SNED1: variants seen among roughly 807,000 people sequenced by gnomAD.
SNED1 encodes the protein sushi, nidogen and EGF-like domain-containing protein 1.
SNED1 carries 81 observed loss-of-function variants against 166.7 expected under a neutral mutation model. That is an observed-to-expected ratio of 0.49 (90% CI 0.41 to 0.58). The LOEUF (loss-of-function observed/expected upper bound fraction) is 0.58. SNED1 is among the 20% of genes least tolerant of loss of function. SNED1 has a pLI of 0.00. For synonymous variants in SNED1, 762 were observed against 822.0 expected, an observed-to-expected ratio of 0.93 and a Z score of 1.25; for missense variants, 1,604 against 2,000.2, an observed-to-expected ratio of 0.80 and a Z score of 3.78.
chr2:241,090,328 CAG>C, intron 31 of SNED1: 2 of 1,550,234 alleles, frequency 1.3e-6, no homozygotes, highest in Non-Finnish European at 1.7e-6. Context: ...CATCGTGTCC[CAG>C]TAACACACAT....
intron 1 of SNED1, among the ~76,000 whole-genome samples, chr2:241,020,773 G>T (rs570188846): frequency 4.6e-5 from 7 of 152,276 alleles, no homozygotes; most frequent in Admixed American, 4.6e-4. Context: ...CTGCTGGACT[G>T]GGAAATGGCC....
chr2:241,048,882 C>T, intron 10 of SNED1, 116 bp downstream of exon 10: 1 of 1,187,182 alleles, frequency 8.4e-7, no homozygotes, highest in Non-Finnish European at 1.2e-6. Context: ...GGTTCTACCC[C>T]CACCCAGGAG....
chr2:241,037,021 A>G lies in SNED1; in HGVS notation c.931+106A>G, dbSNP rs1457977560. On this transcript the variant is annotated intron_variant, in intron 5 of 31. Transcript: ENST00000310397. ...TGGGCGCCCAGGGTCCCAGGTCAGG[A>G]GTCTCTGTCCCCAGGGTGTGGGTGA... The G allele has an allele frequency of 6.5e-6, 9 of 1,379,706 alleles. No individual in the cohort carries two copies. In the East Asian group the frequency reaches 1.3e-4, roughly 19 times the overall value. The allele number at this position is 1,379,706 out of a possible 1,614,324, so 85.5% of individuals were successfully genotyped here. A position where few individuals can be genotyped will look rare whatever the true frequency, so the allele number is the denominator to read the frequency against.
Position 241,073,070 on chromosome 2 carries a change from G to A in SNED1, c.3818-196G>A. The A allele has an allele frequency of 3.5e-6, 2 of 571,710 alleles. No individual in the cohort carries two copies. The highest frequency in any genetic ancestry group is 6.2e-6 in the Non-Finnish European group (2 of 320,394). The allele number at this position is 571,710 out of a possible 1,614,324, so 35.4% of individuals were successfully genotyped here. ...GGGGAAGGCCGAGCCCCTCCAGAGG[G>A]TCAGCAGGAGGGTGAGGCCAGCCCT... On this transcript the variant is annotated intron_variant, in intron 26 of 31. Coordinates refer to ENST00000310397, the MANE Select transcript of SNED1 (RefSeq NM_001080437.3). The surrounding 1 kb of genome is among the most constrained non-coding windows in gnomAD (Gnocchi z 6.6).
rs1383358552 is a variant in SNED1 at position 241,052,571 on chromosome 2, A to G, written c.2083+103A>G. 4 of 912,764 alleles carry G rather than the reference A, an allele frequency of 4.4e-6. No individual in the cohort carries two copies. The Admixed American group carries it at 7.8e-5, about 18-fold the overall frequency. 56.5% of individuals were successfully genotyped at this position (912,764 alleles called of 1,614,324 possible). ...GGTACATGGGATACCAGTGCCAGGC[A>G]GGTGAGAGGGCCAGGGGGCCAAGCA... On this transcript the variant is annotated intron_variant, in intron 15 of 31. Transcript: ENST00000310397.
intron 4 of SNED1, among the ~76,000 whole-genome samples, chr2:241,036,519 G>C (rs1050829893): frequency 2.6e-5 from 4 of 152,112 alleles, no homozygotes; most frequent in African/African-American, 7.2e-5. Flanking sequence ...GGGATGGAGG[G>C]GACGGGGTGC....
intron 27 of SNED1, among the ~76,000 whole-genome samples, chr2:241,080,697 C>T (rs1463517223): frequency 2.0e-5 from 3 of 152,222 alleles, no homozygotes; most frequent in Non-Finnish European, 4.4e-5. Flanking sequence ...GACGGAAGCC[C>T]ATGAAATATA....
chr2:241,049,884 C>G lies in SNED1; in HGVS notation c.1686C>G (p.Ser562=). Residue 562 remains serine (S), a synonymous_variant, in exon 12 of 32, where the codon TCC becomes TCG. Coordinates refer to ENST00000310397, the MANE Select transcript of SNED1 (RefSeq NM_001080437.3). ...GCTCCTGCGATGCCCATGACGACTC[C>G]TACACCTGCGAGTGCCCGCGCGGGT... ...NGGSCDAHDD[S]YTCECPRGFH... 1.2e-6 allele frequency: 2 copies of G among 1,613,868 alleles called. No homozygotes were observed. Among genetic ancestry groups the G allele is most frequent in the Non-Finnish European group, 1.7e-6 (2 of 1,179,784 alleles).
rs16843244 is a variant in SNED1, at chr2:241,093,253, A to C, written c.*1617A>C. 0.095 allele frequency: 14,479 copies of C among 152,628 alleles called. 1,759 individuals carry two copies. Among genetic ancestry groups the C allele is most frequent in the African/African-American group, 0.26 (10,616 of 41,468 alleles). 9.5% of individuals were successfully genotyped at this position (152,628 alleles called of 1,614,324 possible). A position where few individuals can be genotyped will look rare whatever the true frequency, so the allele number is the denominator to read the frequency against. On this transcript the variant is annotated 3_prime_UTR_variant, in exon 32 of 32. Transcript: ENST00000310397. ...GGGTGAACTGAGAGAAACCACGTTC[A>C]CAAACGCGTACTGCGGACTTCCTGC...
chr2:241,037,265 C>T lies in SNED1; in HGVS notation c.957C>T (p.Pro319=). 1 of 1,611,296 alleles carries T rather than the reference C, an allele frequency of 6.2e-7. No individual in the cohort carries two copies. Among genetic ancestry groups the T allele is most frequent in the Non-Finnish European group, 8.5e-7 (1 of 1,179,066 alleles). ...HLDVNECASQ[P]CQNGGTCTHG... ...ACGTGAACGAATGTGCCTCCCAGCC[C>T]TGTCAGAATGGTGGGACCTGTACTC... The change falls in exon 6 of 32, where the codon CCC becomes CCT. Residue 319 remains proline (P), a synonymous_variant. Transcript: ENST00000310397.
At chr2:241,055,194 G>A (rs2062007831) in intron 16 of SNED1, among the ~76,000 whole-genome samples, 1 of 152,102 alleles carries the variant, frequency 6.6e-6, no homozygotes, top group Non-Finnish European at 1.5e-5. Context: ...AGCCCAAGAA[G>A]AAGAGAAAAT....
Position 241,051,669 on chromosome 2 carries a change from T to A in SNED1, c.1736-75T>A. 8.3e-7 allele frequency: 1 copy of A among 1,203,526 alleles called. No homozygotes were observed. The highest frequency in any genetic ancestry group is 1.1e-6 in the Non-Finnish European group (1 of 885,700). 74.6% of individuals were successfully genotyped at this position (1,203,526 alleles called of 1,614,324 possible). Reference sequence around the variant, plus strand: ...CACCAGCACCAGAGGACTGAGGAGATGCCAGGAGGGTATAGTGGCTCTGTG... The same window carrying A: ...CACCAGCACCAGAGGACTGAGGAGAAGCCAGGAGGGTATAGTGGCTCTGTG... On this transcript the variant is annotated intron_variant, in intron 12 of 31. Coordinates refer to ENST00000310397, the MANE Select transcript of SNED1 (RefSeq NM_001080437.3). The surrounding 1 kb of genome is among the most constrained non-coding windows in gnomAD (Gnocchi z 4.7).
chr2:241,017,230 C>G (rs950806064), intron 1 of SNED1, among the ~76,000 whole-genome samples: 1 of 152,184 alleles, frequency 6.6e-6, no homozygotes, highest in Non-Finnish European at 1.5e-5. Context: ...ACAAGTTGCC[C>G]TGTTACTGGT....
Position 240,998,955 on chromosome 2 carries a change from G to A in SNED1, c.118G>A (p.Asp40Asn). The change falls in exon 1 of 32, where the codon GAC becomes AAC. Residue 40 changes from aspartate (D) to asparagine (N), a missense_variant. This residue lies in a region of SNED1 where 1,237 missense variants were observed against 1,620.8 expected (regional missense o/e 0.76). Transcript: ENST00000310397. ...CTACCCGTTCGGCGCCGAGCGCGGC[G>A]ACGCCGTCACCCCCAAGCAGGACGA... ...DFYPFGAERG[D>N]AVTPKQDDGG... 7.7e-7 allele frequency: 1 copy of A among 1,303,124 alleles called. No homozygotes were observed. Among genetic ancestry groups the A allele is most frequent in the South Asian group, 2.0e-5 (1 of 50,018 alleles). 80.7% of individuals were successfully genotyped at this position (1,303,124 alleles called of 1,614,324 possible).
At chr2:241,060,118 A>C (rs965827135) in intron 16 of SNED1, among the ~76,000 whole-genome samples, 1 of 152,246 alleles carries the variant, frequency 6.6e-6, no homozygotes, top group African/African-American at 2.4e-5. Flanking sequence ...TAATAGCATC[A>C]AAAACATGAT....
chr2:241,035,333 G>GCA (rs1353411297), intron 4 of SNED1, among the ~76,000 whole-genome samples: 1 of 152,210 alleles, frequency 6.6e-6, no homozygotes, highest in African/African-American at 2.4e-5. Context: ...AGCCCACAGT[G>GCA]CACAAACGGA....
At chr2:241,049,402 G>A (rs1004112052) in intron 11 of SNED1, among the ~76,000 whole-genome samples, 1 of 152,184 alleles carries the variant, frequency 6.6e-6, no homozygotes, top group African/African-American at 2.4e-5. Context: ...CCCAACACAA[G>A]CTATTAAAAT....
chr2:241,090,684 T>C (rs556323603), intron 31 of SNED1, among the ~76,000 whole-genome samples: 1 of 152,130 alleles, frequency 6.6e-6, no homozygotes, highest in Non-Finnish European at 1.5e-5. Context: ...CTGGCCAACA[T>C]GATGAAACCC....
At chr2:241,049,731 C>T (rs1201487790) in intron 11 of SNED1, 86 bp from the exon 12 acceptor site, 2 of 978,570 alleles carry the variant, frequency 2.0e-6, no homozygotes, top group African/African-American at 3.2e-5. Context: ...CAGGGTAACC[C>T]TGGCAGGCAA....
Sources: gnomAD v4.1 joint callset for allele counts (sites outside exome capture counted in the v4.1 genomes callset) on GRCh38, gnomAD v4.1.1 for gene constraint, gnomAD v4.1.1 regional missense constraint, Gnocchi (gnomAD v3.1) non-coding constraint, MANE v1.5 for transcripts, NCBI Gene and HGNC (gene_info 2026-07-23, HGNC 2026-07-21) for gene names.